Variants in RAB27B observed in about 807,000 individuals in gnomAD.
The protein encoded by RAB27B is ras-related protein Rab-27B.
RAB27B carries 15 observed loss-of-function variants against 24.6 expected under a neutral mutation model. The ratio of observed to expected loss-of-function variants is 0.61; its 90% CI spans 0.41 to 0.94. The LOEUF is 0.94. Among genes scored for constraint, RAB27B ranks in the 40% least tolerant of loss-of-function variants. The probability of loss-of-function intolerance (pLI) is 0.00; values close to 1 mark genes in which losing one functional copy is unlikely to be tolerated. For missense variants in RAB27B, 261 were observed against 266.8 expected (o/e 0.98, Z 0.15); for synonymous variants, 105 against 92.5 (o/e 1.14, Z -0.78).
chr18:54,738,810 TTATAA>T (rs1909980045), intron 2 of RAB27B, among the ~76,000 whole-genome samples: 1 of 152,194 alleles, frequency 6.6e-6, no homozygotes, highest in South Asian at 2.1e-4. Context: ...AACAATTTTG[TTATAA>T]TATACTTTAC....
intron 1 of RAB27B, among the ~76,000 whole-genome samples, chr18:54,867,445 T>TTC (rs67270276): frequency 0.15 from 18,378 of 119,186 alleles, 835 homozygotes; most frequent in East Asian, 0.33. Flanking sequence ...TTCTTTTCTT[T>TTC]TTTTTTTTTT....
chr18:54,763,981 A>G (rs550846624), intron 2 of RAB27B, among the ~76,000 whole-genome samples: 1 of 152,260 alleles, frequency 6.6e-6, no homozygotes, highest in East Asian at 1.9e-4. Context: ...TAATCAAGCC[A>G]TCTCTCTGCT....
intron 1 of RAB27B, among the ~76,000 whole-genome samples, chr18:54,868,010 A>G (rs1204312600): frequency 2.0e-5 from 3 of 152,160 alleles, no homozygotes; most frequent in African/African-American, 7.2e-5. Flanking sequence ...TGTGTTTTCC[A>G]ATGCTGGAGG....
chr18:54,776,251 C>T (rs559839732), intron 2 of RAB27B, among the ~76,000 whole-genome samples: 61 of 152,238 alleles, frequency 4.0e-4, no homozygotes, highest in Non-Finnish European at 7.1e-4. Context: ...GCCTTCCATC[C>T]CTTCCGCACA....
upstream of RAB27B, among the ~76,000 whole-genome samples, chr18:54,826,623 G>A (rs542209704): frequency 1.3e-5 from 2 of 152,304 alleles, no homozygotes; most frequent in Non-Finnish European, 2.9e-5. Context: ...GTGGCAAGGA[G>A]AGTCATCAAT....
intron 2 of RAB27B, among the ~76,000 whole-genome samples, chr18:54,767,363 C>T (rs1403252841): frequency 1.3e-5 from 2 of 151,876 alleles, no homozygotes; most frequent in Non-Finnish European, 2.9e-5. Context: ...GCTCTTCTAA[C>T]TAAGATGGTT....
upstream of RAB27B, among the ~76,000 whole-genome samples, chr18:54,823,529 A>G (rs1346763795): frequency 2.0e-5 from 3 of 152,162 alleles, no homozygotes; most frequent in East Asian, 1.9e-4. Flanking sequence ...AACCAAATAT[A>G]TTTGTTGTTT....
intron 2 of RAB27B, among the ~76,000 whole-genome samples, chr18:54,754,524 T>C (rs1410010407): frequency 6.6e-6 from 1 of 152,168 alleles, no homozygotes; most frequent in African/African-American, 2.4e-5. Flanking sequence ...CAATTGAGCT[T>C]TATTGAAAGC....
intron 2 of RAB27B, among the ~76,000 whole-genome samples, chr18:54,765,565 A>G (rs549714476): frequency 2.6e-5 from 4 of 152,234 alleles, no homozygotes; most frequent in Admixed American, 6.5e-5. Context: ...GAAAATCCCA[A>G]TGCCTTCATT....
chr18:54,818,849 C>T (rs1965662), intron 2 of RAB27B, among the ~76,000 whole-genome samples: 34,802 of 152,034 alleles, frequency 0.23, 4,218 homozygotes, highest in East Asian at 0.39. Flanking sequence ...AATAAATTCT[C>T]ATAAAACTCA....
chr18:54,750,691 T>C (rs984957172), intron 2 of RAB27B, among the ~76,000 whole-genome samples: 2 of 152,158 alleles, frequency 1.3e-5, no homozygotes, highest in African/African-American at 4.8e-5. Flanking sequence ...GCAGAGTACA[T>C]TCACCGAATT....
At chr18:54,832,388 G>A (rs1484320775) in intron 1 of RAB27B, among the ~76,000 whole-genome samples, 1 of 152,198 alleles carries the variant, frequency 6.6e-6, no homozygotes, top group African/African-American at 2.4e-5. Context: ...TAAAACTAGG[G>A]AAGAAATGGT....
chr18:54,747,806 G>T (rs112541546), intron 2 of RAB27B, among the ~76,000 whole-genome samples: 1 of 152,152 alleles, frequency 6.6e-6, no homozygotes, highest in Non-Finnish European at 1.5e-5. Context: ...TGTGCATAAA[G>T]ACTTTATTAA....
intron 2 of RAB27B, among the ~76,000 whole-genome samples, chr18:54,752,330 C>A (rs959692782): frequency 6.6e-6 from 1 of 152,054 alleles, no homozygotes; most frequent in Non-Finnish European, 1.5e-5. Flanking sequence ...TATTAAAGAC[C>A]GATGAAACAA....
chr18:54,724,767 CT>C (rs761797572), intron 2 of RAB27B, among the ~76,000 whole-genome samples: 1 of 151,484 alleles, frequency 6.6e-6, no homozygotes, highest in Non-Finnish European at 1.5e-5. Flanking sequence ...CAGTTCTGGG[CT>C]TCTCACATTA....
chr18:54,878,512 A>G (rs1912795631), intron 2 of RAB27B, among the ~76,000 whole-genome samples: 1 of 152,160 alleles, frequency 6.6e-6, no homozygotes, highest in South Asian at 2.1e-4. Context: ...TTGCCTGGGA[A>G]GTTGAATCAC....
upstream of RAB27B, among the ~76,000 whole-genome samples, chr18:54,825,483 C>T (rs1445336046): frequency 6.6e-6 from 1 of 151,974 alleles, no homozygotes; most frequent in Non-Finnish European, 1.5e-5. Flanking sequence ...GAATTTTTTT[C>T]CATTTTTTGA....
intron 1 of RAB27B, among the ~76,000 whole-genome samples, chr18:54,868,488 T>C (rs1208607739): frequency 1.3e-5 from 2 of 152,214 alleles, no homozygotes; most frequent in African/African-American, 2.4e-5. Context: ...TTTATAGCAA[T>C]GCAAGAAAGG....
intron 2 of RAB27B, among the ~76,000 whole-genome samples, chr18:54,808,622 G>C (rs1568074482): frequency 6.6e-6 from 1 of 152,142 alleles, no homozygotes; most frequent in African/African-American, 2.4e-5. Flanking sequence ...GTTAGTTTAC[G>C]ATTGATCATT....
Sources: allele counts gnomAD v4.1 joint callset (sites outside exome capture counted in the v4.1 genomes callset), GRCh38; gene constraint gnomAD v4.1.1; transcripts MANE v1.5; gene names NCBI Gene and HGNC (gene_info 2026-07-23, HGNC 2026-07-21).